The following MYO5A variants were observed in gnomAD, a reference collection of about 807,000 sequenced individuals.
MYO5A encodes the protein unconventional myosin-Va.
Under a neutral mutation model 249.7 loss-of-function variants are expected in MYO5A, and 98 were observed. The observed-to-expected ratio is 0.39, with a 90% CI of 0.33 to 0.46. The LOEUF (loss-of-function observed/expected upper bound fraction) is 0.46, where lower values mean the gene tolerates loss of function less well. Ranked by LOEUF, MYO5A falls within the 20% of genes least tolerant of loss-of-function variation. The pLI is 0.98. For missense variants in MYO5A, 1,696 were observed against 2,308.8 expected (o/e 0.73, Z 5.44); for synonymous variants, 778 against 810.6 (o/e 0.96, Z 0.68).
chr15:52,430,849 A>C (rs949187577), intron 2 of MYO5A, among the ~76,000 whole-genome samples: 2 of 152,212 alleles, frequency 1.3e-5, no homozygotes, highest in Non-Finnish European at 2.9e-5. Flanking sequence ...TATAGTACAC[A>C]TAATCAAAGG....
At chr15:52,523,484 C>A (rs1188896231) in intron 1 of MYO5A, among the ~76,000 whole-genome samples, 2 of 152,154 alleles carry the variant, frequency 1.3e-5, no homozygotes, top group East Asian at 1.9e-4. Flanking sequence ...TAACACTGGG[C>A]TAGGCTCTAC....
chr15:52,330,449 G>T lies in MYO5A; in HGVS notation c.4459C>A (p.Arg1487=). Residue 1487 remains arginine (R), a synonymous_variant, in exon 35 of 42, where the codon CGA becomes AGA. Transcript: ENST00000399233. ...TCTTTCCTGGGAATGTTGACTGGTC[G>T]GATGGGTTCATCAATGATCTGTCCT... The part of the protein sequence containing the change: ...SPGQIIDEPI[R]PVNIPRKEKD... The T allele has an allele frequency of 6.2e-7, 1 of 1,613,964 alleles. No individual in the cohort carries two copies. The highest frequency in any genetic ancestry group is 8.5e-7 in the Non-Finnish European group (1 of 1,179,958).
intron 10 of MYO5A, 134 bp from the exon 11 acceptor site, chr15:52,396,531 G>A (rs1189286243): frequency 4.8e-6 from 3 of 624,370 alleles, no homozygotes; most frequent in Non-Finnish European, 8.5e-6. Flanking sequence ...CCATATCAGT[G>A]AAAATAAAGA....
intron 34 of MYO5A, among the ~76,000 whole-genome samples, chr15:52,332,116 A>G (rs182864271): frequency 1.3e-5 from 2 of 152,362 alleles, no homozygotes; most frequent in East Asian, 1.9e-4. Flanking sequence ...AACCCCTGCC[A>G]TCTATGCCAC....
chr15:52,505,643 A>G (rs2077253135), intron 1 of MYO5A: 1 of 1,313,742 alleles, frequency 7.6e-7, no homozygotes, highest in African/African-American at 1.4e-5. Context: ...TGGGATGATG[A>G]GACAGATATG....
intron 1 of MYO5A, among the ~76,000 whole-genome samples, chr15:52,507,090 A>C (rs1430225042): frequency 6.6e-6 from 1 of 152,206 alleles, no homozygotes; most frequent in African/African-American, 2.4e-5. Context: ...CATTAGCCAG[A>C]ACTAAATCAC....
chr15:52,497,043 C>A (rs1291352694), intron 1 of MYO5A, among the ~76,000 whole-genome samples: 1 of 152,188 alleles, frequency 6.6e-6, no homozygotes, highest in Non-Finnish European at 1.5e-5. Context: ...CTCACTGCAA[C>A]TTCCACCTCT....
chr15:52,346,302 C>G (rs1215161219), intron 30 of MYO5A, 59 bp downstream of exon 30: 5 of 1,049,534 alleles, frequency 4.8e-6, no homozygotes, highest in Non-Finnish European at 7.3e-6. Flanking sequence ...AAGAGGCTGG[C>G]TTGAAGGCTA....
At chr15:52,428,377 C>G in intron 3 of MYO5A, 21 bp downstream of exon 3, 1 of 1,606,806 alleles carries the variant, frequency 6.2e-7, no homozygotes, top group Non-Finnish European at 8.5e-7. Context: ...ACAGTCTATT[C>G]GGAAAGCAAA....
chr15:52,405,069 A>T (rs1487905390), intron 9 of MYO5A, among the ~76,000 whole-genome samples: 6 of 151,722 alleles, frequency 4.0e-5, no homozygotes, highest in African/African-American at 1.5e-4. Context: ...ACACACACAC[A>T]CACACACACA....
At chr15:52,440,165 G>C (rs906828127) in intron 1 of MYO5A, among the ~76,000 whole-genome samples, 1 of 152,200 alleles carries the variant, frequency 6.6e-6, no homozygotes, top group African/African-American at 2.4e-5. Flanking sequence ...CCAGAGAGAG[G>C]CACCAAGCAG....
At chr15:52,422,182 G>T (rs190588359) in intron 4 of MYO5A, among the ~76,000 whole-genome samples, 100 of 152,246 alleles carry the variant, frequency 6.6e-4, no homozygotes, top group African/African-American at 2.3e-3. Context: ...GGCTATTCTA[G>T]GAAGGTATTT....
At chr15:52,345,818 T>C (rs1026144070) in intron 30 of MYO5A, among the ~76,000 whole-genome samples, 11 of 152,132 alleles carry the variant, frequency 7.2e-5, no homozygotes, top group Non-Finnish European at 1.2e-4. Context: ...CCCAGACCAA[T>C]AGACTTTGCT....
chr15:52,505,134 C>G, intron 1 of MYO5A: 1 of 702,190 alleles, frequency 1.4e-6, no homozygotes, highest in Non-Finnish European at 2.6e-6. Flanking sequence ...CTGTGGGCCA[C>G]TTAATTCAGG....
In MYO5A at chr15:52,323,389, A is replaced by T. The variant is rs1270786712; in HGVS notation, c.4766T>A (p.Phe1589Tyr). 4 of 1,613,740 alleles carry T rather than the reference A, an allele frequency of 2.5e-6. No homozygotes were observed. The highest frequency in any genetic ancestry group is 3.4e-6 in the Non-Finnish European group (4 of 1,179,794). ...VSFWLSNTCRFLHCLKQYSGE... is the reference protein window; with the variant it reads ...VSFWLSNTCRYLHCLKQYSGE... Reference sequence around the variant, plus strand: ...ACTGTACTGTTTCAAGCAGTGCAAAAATCGGCATGTGTTAGAGAGCCAGAA... The same window carrying T: ...ACTGTACTGTTTCAAGCAGTGCAAATATCGGCATGTGTTAGAGAGCCAGAA... The change falls in exon 37 of 42, where the codon TTT (phenylalanine) becomes TAT (tyrosine). Residue 1589 changes from phenylalanine to tyrosine, a missense_variant. Coordinates refer to ENST00000399233, the MANE Select transcript of MYO5A (RefSeq NM_001382347.1).
intron 1 of MYO5A, among the ~76,000 whole-genome samples, chr15:52,448,568 G>C (rs1045906650): frequency 2.6e-5 from 4 of 152,120 alleles, no homozygotes; most frequent in Non-Finnish European, 4.4e-5. Context: ...TAAGATTTGG[G>C]AGGCGCCAGT....
At chr15:52,330,324 A>G in intron 35 of MYO5A, 29 bp downstream of exon 35, 3 of 1,613,958 alleles carry the variant, frequency 1.9e-6, no homozygotes, top group Non-Finnish European at 2.5e-6. Flanking sequence ...TGCCAGAAGG[A>G]ACTTTTATCC....
At chr15:52,420,622 G>A (rs2043741535) in intron 4 of MYO5A, among the ~76,000 whole-genome samples, 1 of 152,080 alleles carries the variant, frequency 6.6e-6, no homozygotes, top group Non-Finnish European at 1.5e-5. Context: ...GTATAAAACA[G>A]ACTAAGATAC....
At chr15:52,328,956 T>C (rs2038741294) in intron 35 of MYO5A, 4 of 152,252 alleles carry the variant, frequency 2.6e-5, no homozygotes, top group Admixed American at 2.6e-4. Flanking sequence ...AAGATCACCT[T>C]ACCAAAGAGT....
Sources: allele counts gnomAD v4.1 joint callset (sites outside exome capture counted in the v4.1 genomes callset), GRCh38; gene constraint gnomAD v4.1.1; transcripts MANE v1.5; gene names NCBI Gene and HGNC (gene_info 2026-07-23, HGNC 2026-07-21).